The following RPA3 variants were observed in gnomAD, a reference collection of about 807,000 sequenced individuals.
RPA3 encodes the protein replication protein A3, also known as replication protein A 14 kDa subunit.
A neutral mutation model predicts 13.7 loss-of-function variants in RPA3; 24 were observed. That is an observed-to-expected ratio of 1.75 (90% CI 1.27 to 2.46). The LOEUF (loss-of-function observed/expected upper bound fraction) is 2.46, where lower values mean the gene tolerates loss of function less well. Ranked by LOEUF, RPA3 falls within the 30% of genes most tolerant of loss-of-function variation. The pLI, the probability that RPA3 is intolerant of heterozygous loss-of-function variation, is 0.00. For missense variants in RPA3, 183 were observed against 151.0 expected (o/e 1.21, Z -1.11); for synonymous variants, 59 against 51.2 (o/e 1.15, Z -0.65).
chr7:7,655,837 CTT>C (rs398111013), intron 4 of RPA3, among the ~76,000 whole-genome samples: 54 of 151,286 alleles, frequency 3.6e-4, no homozygotes, highest in Admixed American at 3.2e-3. Flanking sequence ...CTCTCTCTCT[CTT>C]TGTTTTTGTT....
intron 2 of RPA3, among the ~76,000 whole-genome samples, chr7:7,701,212 A>G (rs1780454958): frequency 1.3e-5 from 2 of 152,014 alleles, no homozygotes; most frequent in South Asian, 2.1e-4. Flanking sequence ...TATTTAAGGA[A>G]TGAACTGTAT....
At chr7:7,666,131 A>G (rs1779447924) in intron 4 of RPA3, among the ~76,000 whole-genome samples, 1 of 152,156 alleles carries the variant, frequency 6.6e-6, no homozygotes, top group South Asian at 2.1e-4. Context: ...CAAGTGTACA[A>G]GAGTTCCAGT....
intron 2 of RPA3, among the ~76,000 whole-genome samples, chr7:7,712,397 A>G (rs995469677): frequency 6.6e-6 from 1 of 152,148 alleles, no homozygotes; most frequent in South Asian, 2.1e-4. Context: ...TAAAATTGCC[A>G]TGCATTTTTC....
chr7:7,718,073 C>A (rs1425312166), intron 1 of RPA3, among the ~76,000 whole-genome samples: 1 of 152,084 alleles, frequency 6.6e-6, no homozygotes, highest in African/African-American at 2.4e-5. Flanking sequence ...TGTGATATAC[C>A]ATTCACTTAT....
chr7:7,637,671 C>T (rs1027108808), intron 7 of RPA3, among the ~76,000 whole-genome samples, 193 bp downstream of exon 7: 31 of 149,126 alleles, frequency 2.1e-4, no homozygotes, highest in Non-Finnish European at 4.5e-5. Flanking sequence ...TTATATAAAA[C>T]TGTATGTTAT....
At chr7:7,703,801 A>G (rs796209967) in intron 2 of RPA3, among the ~76,000 whole-genome samples, 34 of 152,134 alleles carry the variant, frequency 2.2e-4, no homozygotes, top group African/African-American at 7.0e-4. Flanking sequence ...TAGCCAGGTA[A>G]TGTGGTGGCG....
At chr7:7,689,337 G>A (rs1780117957) in intron 2 of RPA3, 1 of 152,188 alleles carries the variant, frequency 6.6e-6, no homozygotes, top group East Asian at 1.9e-4. Flanking sequence ...TTGCTTAGGA[G>A]AGCTAGCTTG....
rs185851204 is a variant in RPA3 at position 7,638,451 on chromosome 7, A to G, written c.175-479T>C. The G allele has an allele frequency of 1.2e-3, 180 of 152,980 alleles. 1 individual carries two copies. Among genetic ancestry groups the G allele is most frequent in the Non-Finnish European group, 2.3e-3 (156 of 68,568 alleles). 9.5% of individuals were successfully genotyped at this position (152,980 alleles called of 1,614,324 possible). ...AATAGAAAATAAAATAAAATCGAAA[A>G]CTCTTGAGGGGCTGGTCGAGGCAGG... On this transcript the variant is annotated intron_variant, in intron 6 of 7. Transcript: ENST00000223129.
intron 4 of RPA3, among the ~76,000 whole-genome samples, chr7:7,674,679 C>A (rs4140804): frequency 0.58 from 87,812 of 151,888 alleles, 25,612 homozygotes; most frequent in East Asian, 0.8. Context: ...GCTAATATGA[C>A]CCTTCCTTCA....
intron 4 of RPA3, among the ~76,000 whole-genome samples, chr7:7,663,756 G>A (rs888620839): frequency 6.6e-6 from 1 of 152,162 alleles, no homozygotes; most frequent in Admixed American, 6.5e-5. Flanking sequence ...AAATTGGTTA[G>A]TATCCCCGGG....
intron 2 of RPA3, among the ~76,000 whole-genome samples, chr7:7,698,745 A>G (rs543435809): frequency 1.3e-5 from 2 of 152,006 alleles, no homozygotes; most frequent in South Asian, 2.1e-4. Flanking sequence ...TTTAATGACT[A>G]TTTAGTGGTA....
intron 4 of RPA3, among the ~76,000 whole-genome samples, chr7:7,681,085 A>G (rs1779900049): frequency 6.6e-6 from 1 of 152,154 alleles, no homozygotes; most frequent in Non-Finnish European, 1.5e-5. Flanking sequence ...CTAAGTAAAA[A>G]CTTATAAACA....
At chr7:7,709,284 T>C (rs1327379906) in intron 2 of RPA3, among the ~76,000 whole-genome samples, 1 of 152,246 alleles carries the variant, frequency 6.6e-6, no homozygotes, top group African/African-American at 2.4e-5. Flanking sequence ...GATTCTAGAC[T>C]ATATTCTTTG....
chr7:7,686,821 G>C (rs185263121), intron 3 of RPA3, among the ~76,000 whole-genome samples: 1 of 152,198 alleles, frequency 6.6e-6, no homozygotes, highest in Non-Finnish European at 1.5e-5. Flanking sequence ...GATATAAGAA[G>C]AAATGTTGTG....
At chr7:7,659,585 G>T (rs1284045811) in intron 4 of RPA3, among the ~76,000 whole-genome samples, 14 of 152,174 alleles carry the variant, frequency 9.2e-5, no homozygotes, top group Non-Finnish European at 2.1e-4. Context: ...ACAGGAGCAG[G>T]TTGTTCAGTT....
At chr7:7,671,835 A>T (rs369502625) in intron 4 of RPA3, among the ~76,000 whole-genome samples, 4 of 152,268 alleles carry the variant, frequency 2.6e-5, no homozygotes, top group African/African-American at 9.6e-5. Context: ...TACTATATCC[A>T]GTAAGCACTT....
At chr7:7,716,459 A>T (rs1431887678) in intron 1 of RPA3, among the ~76,000 whole-genome samples, 2 of 152,240 alleles carry the variant, frequency 1.3e-5, no homozygotes, top group Admixed American at 6.5e-5. Context: ...CTGCAGACAT[A>T]GATAAGCAAG....
chr7:7,698,035 T>C (rs1292488929), intron 2 of RPA3, among the ~76,000 whole-genome samples: 1 of 152,180 alleles, frequency 6.6e-6, no homozygotes, highest in East Asian at 1.9e-4. Flanking sequence ...TTCTTTTAAT[T>C]AGAAATAGAG....
At chr7:7,705,437 A>G (rs1780573971) in intron 2 of RPA3, among the ~76,000 whole-genome samples, 1 of 152,342 alleles carries the variant, frequency 6.6e-6, no homozygotes, top group South Asian at 2.1e-4. Flanking sequence ...GGTTTAAGTT[A>G]ATGTAATTGG....
Sources: allele counts gnomAD v4.1 joint callset (sites outside exome capture counted in the v4.1 genomes callset), GRCh38; gene constraint gnomAD v4.1.1; transcripts MANE v1.5; gene names NCBI Gene and HGNC (gene_info 2026-07-23, HGNC 2026-07-21).